Variants in MITF observed in about 807,000 individuals in gnomAD.
The protein encoded by MITF is microphthalmia-associated transcription factor.
In MITF, 17 loss-of-function variants were observed where a neutral mutation model predicts 60.5. The ratio of observed to expected loss-of-function variants is 0.28; its 90% confidence interval spans 0.19 to 0.42. MITF has a LOEUF of 0.42. Among genes scored for constraint, MITF ranks in the 10% least tolerant of loss-of-function variants. MITF has a pLI of 1.00. For synonymous variants in MITF, 260 were observed against 248.5 expected (o/e 1.05, Z -0.43); for missense variants, 622 against 683.5 (o/e 0.91, Z 1.00).
At chr3:69,948,042 A>T (rs2066143806) in intron 5 of MITF, among the ~76,000 whole-genome samples, 1 of 152,228 alleles carries the variant, frequency 6.6e-6, no homozygotes, top group Non-Finnish European at 1.5e-5. Flanking sequence ...CAGATGTAGA[A>T]TACAATTCCA....
Position 69,967,141 on chromosome 3 carries a change from C to T in MITF, c.*1893C>T, listed in dbSNP as rs886058815. On this transcript the variant is annotated 3_prime_UTR_variant, in exon 10 of 10. Transcript: ENST00000352241. ...AGTGATCGTCAGATGTGTGAATGGA[C>T]GGTTTAGGTGAAAATAATCAACTGC... 4.7e-5 allele frequency: 11 copies of T among 232,214 alleles called. No individual in the cohort carries two copies. The highest frequency in any genetic ancestry group is 7.7e-5 in the Non-Finnish European group (9 of 117,298). 14.4% of individuals were successfully genotyped at this position (232,214 alleles called of 1,614,324 possible).
intron 1 of MITF, among the ~76,000 whole-genome samples, chr3:69,756,940 A>G (rs1185958105): frequency 6.6e-6 from 1 of 152,154 alleles, no homozygotes; most frequent in Non-Finnish European, 1.5e-5. Flanking sequence ...TTCTTTTGAG[A>G]AGTGTCTGTT....
chr3:69,948,065 A>G (rs987584950), intron 5 of MITF, among the ~76,000 whole-genome samples: 1 of 152,192 alleles, frequency 6.6e-6, no homozygotes, highest in African/African-American at 2.4e-5. Context: ...TGTAATCAAG[A>G]AATGGGAGGG....
intron 1 of MITF, among the ~76,000 whole-genome samples, chr3:69,790,629 TCA>T (rs1418804713): frequency 1.3e-5 from 2 of 152,170 alleles, no homozygotes; most frequent in Non-Finnish European, 2.9e-5. Context: ...CCATGGACAA[TCA>T]GTTTTTGACA....
At position 69,779,687 on chromosome 3, in the gene MITF, C is replaced by T. The variant is rs554488254; in HGVS notation, c.104+39986C>T. On this transcript the variant is annotated intron_variant, in intron 1 of 9. Coordinates refer to ENST00000352241, the MANE Select transcript of MITF (RefSeq NM_001354604.2). ...TGTCGATAGAAGTGAAATTGGGGGTCAAAAAATATATATAATTAAAATTAA... is the reference window on the plus strand; with the variant it reads ...TGTCGATAGAAGTGAAATTGGGGGTTAAAAAATATATATAATTAAAATTAA... Among the ~76,000 whole-genome samples the T allele has an allele frequency of 2.0e-5, 3 of 151,602 alleles. No homozygotes were observed. The South Asian group carries it at 6.3e-4, about 32-fold the overall frequency.
intron 2 of MITF, among the ~76,000 whole-genome samples, chr3:69,931,780 C>T (rs1312168481): frequency 6.6e-6 from 1 of 152,170 alleles, no homozygotes; most frequent in Non-Finnish European, 1.5e-5. Flanking sequence ...TGGATTTACA[C>T]AGTTTTATCT....
intron 1 of MITF, among the ~76,000 whole-genome samples, chr3:69,874,015 A>G (rs1052579567): frequency 6.6e-6 from 1 of 152,182 alleles, no homozygotes; most frequent in Non-Finnish European, 1.5e-5. Flanking sequence ...CATACATGAC[A>G]TAGGTTTCTC....
chr3:69,920,097 C>T (rs1035537816), intron 2 of MITF, among the ~76,000 whole-genome samples: 1 of 152,084 alleles, frequency 6.6e-6, no homozygotes, highest in Non-Finnish European at 1.5e-5. Context: ...CCAGGCCATA[C>T]AGAGATAGGA....
intron 1 of MITF, among the ~76,000 whole-genome samples, chr3:69,754,929 G>T (rs1412689753): frequency 2.0e-5 from 3 of 152,094 alleles, no homozygotes; most frequent in Non-Finnish European, 4.4e-5. Flanking sequence ...GGGGGTTGGG[G>T]GGAGAGGATC....
At chr3:69,937,338 C>A (rs1285156287) in intron 2 of MITF, among the ~76,000 whole-genome samples, 4 of 149,994 alleles carry the variant, frequency 2.7e-5, no homozygotes, top group Non-Finnish European at 5.9e-5. Flanking sequence ...TTTTCTACAG[C>A]CATTTTACAC....
At chr3:69,748,204 G>A (rs1269134502) in intron 1 of MITF, among the ~76,000 whole-genome samples, 2 of 152,166 alleles carry the variant, frequency 1.3e-5, no homozygotes, top group Non-Finnish European at 2.9e-5. Flanking sequence ...TAGTAGCTGT[G>A]TTCTTTGATT....
intron 1 of MITF, among the ~76,000 whole-genome samples, chr3:69,827,124 G>A (rs1298612628): frequency 6.6e-6 from 1 of 152,110 alleles, no homozygotes; most frequent in Non-Finnish European, 1.5e-5. Context: ...CCTCTCACCA[G>A]TGTAACCCAT....
intron 1 of MITF, among the ~76,000 whole-genome samples, chr3:69,741,311 A>G (rs1032899083): frequency 6.6e-6 from 1 of 152,194 alleles, no homozygotes; most frequent in Non-Finnish European, 1.5e-5. Flanking sequence ...TTTTGCTTCT[A>G]TAAGCAAATG....
intron 2 of MITF, among the ~76,000 whole-genome samples, chr3:69,928,082 T>G (rs2065634671): frequency 6.6e-6 from 1 of 152,208 alleles, no homozygotes. Flanking sequence ...ATGGATGTTT[T>G]CCAATAAAAC....
At chr3:69,909,144 G>A (rs1198811522) in intron 2 of MITF, among the ~76,000 whole-genome samples, 1 of 152,028 alleles carries the variant, frequency 6.6e-6, no homozygotes, top group Admixed American at 6.6e-5. Context: ...TGAATCATGA[G>A]GGCTGGTCTT....
intron 2 of MITF, among the ~76,000 whole-genome samples, chr3:69,926,788 G>T (rs1448509466): frequency 6.6e-6 from 1 of 152,184 alleles, no homozygotes; most frequent in Admixed American, 6.5e-5. Flanking sequence ...AACTGTACAA[G>T]CTTGAATGTT....
intron 2 of MITF, among the ~76,000 whole-genome samples, chr3:69,891,248 C>T (rs2064753644): frequency 6.6e-6 from 1 of 152,116 alleles, no homozygotes; most frequent in South Asian, 2.1e-4. Flanking sequence ...GCAATTGTGA[C>T]CATTTTTATT....
At chr3:69,950,316 AAACAAC>A (rs918326088) in intron 6 of MITF, among the ~76,000 whole-genome samples, 1 of 151,538 alleles carries the variant, frequency 6.6e-6, no homozygotes, top group African/African-American at 2.4e-5. Flanking sequence ...AAACAAAACA[AAACAAC>A]AACAACAACA....
In MITF at chr3:69,884,867, C is replaced by T. The variant is rs115164885; in HGVS notation, c.354+5484C>T. Among the ~76,000 whole-genome samples the T allele has an allele frequency of 7.5e-3, 1,135 of 152,198 alleles. 11 individuals carry two copies. The highest frequency in any genetic ancestry group is 0.025 in the African/African-American group (1,058 of 41,514). On this transcript the variant is annotated intron_variant, in intron 2 of 9. Transcript: ENST00000352241. ...TTTAGGTTTTATCTACTTAAAAGAGCAGACCGATGAGACCAACTATCTGAA... is the reference window on the plus strand; with the variant it reads ...TTTAGGTTTTATCTACTTAAAAGAGTAGACCGATGAGACCAACTATCTGAA...
Sources: gnomAD v4.1 joint callset for allele counts (sites outside exome capture counted in the v4.1 genomes callset) on GRCh38, gnomAD v4.1.1 for gene constraint, MANE v1.5 for transcripts, NCBI Gene and HGNC (gene_info 2026-07-23, HGNC 2026-07-21) for gene names.